The following PDE4B variants were observed in gnomAD, a reference collection of about 807,000 sequenced individuals.
PDE4B encodes the protein phosphodiesterase 4B.
A neutral mutation model predicts 82.2 loss-of-function variants in PDE4B; 20 were observed. The ratio of observed to expected loss-of-function variants is 0.24; its 90% CI spans 0.17 to 0.35. The LOEUF is 0.35. PDE4B is among the 10% of genes least tolerant of loss of function. The probability of loss-of-function intolerance (pLI) is 1.00; values close to 1 mark genes in which losing one functional copy is unlikely to be tolerated. For synonymous variants in PDE4B, 320 were observed against 318.9 expected (o/e 1.00, Z -0.04); for missense variants, 655 against 907.2 (o/e 0.72, Z 3.57).
chr1:66,297,088 C>T (rs1354846980), intron 7 of PDE4B, among the ~76,000 whole-genome samples: 2 of 152,086 alleles, frequency 1.3e-5, no homozygotes, highest in Non-Finnish European at 2.9e-5. Flanking sequence ...TTTCATACAT[C>T]TCTTAGCCAT....
chr1:65,846,135 C>T (rs1285686848), intron 1 of PDE4B, among the ~76,000 whole-genome samples: 1 of 152,158 alleles, frequency 6.6e-6, no homozygotes, highest in Non-Finnish European at 1.5e-5. Flanking sequence ...GGTAGGCCTA[C>T]AGGTTGTTTC....
At chr1:65,896,330 G>T (rs1296608481) in intron 1 of PDE4B, among the ~76,000 whole-genome samples, 1 of 152,126 alleles carries the variant, frequency 6.6e-6, no homozygotes, top group Non-Finnish European at 1.5e-5. Flanking sequence ...CAGATCTCAT[G>T]AGACTAATTC....
chr1:66,041,750 G>A (rs1341531257), intron 3 of PDE4B, among the ~76,000 whole-genome samples: 1 of 151,092 alleles, frequency 6.6e-6, no homozygotes, highest in Non-Finnish European at 1.5e-5. Flanking sequence ...CTCTTTCTGG[G>A]TCATGAATAA....
chr1:66,161,170 C>T (rs1204840799), intron 3 of PDE4B, among the ~76,000 whole-genome samples: 1 of 152,052 alleles, frequency 6.6e-6, no homozygotes, highest in African/African-American at 2.4e-5. Flanking sequence ...CTAACAACTC[C>T]TACAGAACAT....
chr1:66,093,843 A>AT (rs1195671852), intron 3 of PDE4B, among the ~76,000 whole-genome samples: 1 of 152,066 alleles, frequency 6.6e-6, no homozygotes, highest in Non-Finnish European at 1.5e-5. Flanking sequence ...AACACAACTT[A>AT]TGCCGCTCAT....
intron 3 of PDE4B, among the ~76,000 whole-genome samples, chr1:66,150,223 C>A (rs1234472504): frequency 6.6e-6 from 1 of 151,878 alleles, no homozygotes; most frequent in Non-Finnish European, 1.5e-5. Flanking sequence ...TATTTAGGGG[C>A]CTTTGTAACC....
chr1:66,252,711 TA>T (rs1557660644), intron 4 of PDE4B, among the ~76,000 whole-genome samples: 1 of 152,108 alleles, frequency 6.6e-6, no homozygotes, highest in African/African-American at 2.4e-5. Context: ...TTTGGGAGGC[TA>T]AGGTGGGTGG....
In PDE4B at chr1:65,928,349, A is replaced by C. The variant is rs375254522; in HGVS notation, c.281+9514A>C. Among the ~76,000 whole-genome samples the C allele has an allele frequency of 6.2e-4, 94 of 152,332 alleles. 1 individual carries two copies. The highest frequency in any genetic ancestry group is 2.5e-3 in the East Asian group (13 of 5,184). On this transcript the variant is annotated intron_variant, in intron 3 of 16. Transcript: ENST00000341517. ...GCTAGTATAAATTAAGTACGAATGCAGTAGGCTTCCTATCAATTTCACTTC... is the reference window on the plus strand; with the variant it reads ...GCTAGTATAAATTAAGTACGAATGCCGTAGGCTTCCTATCAATTTCACTTC...
chr1:66,246,234 C>G (rs1653300713), intron 3 of PDE4B, among the ~76,000 whole-genome samples: 1 of 152,168 alleles, frequency 6.6e-6, no homozygotes, highest in Non-Finnish European at 1.5e-5. Flanking sequence ...TTATATACTT[C>G]ACAGGGTTGT....
At chr1:66,292,036 G>A (rs1657125284) in intron 7 of PDE4B, among the ~76,000 whole-genome samples, 1 of 152,100 alleles carries the variant, frequency 6.6e-6, no homozygotes, top group Non-Finnish European at 1.5e-5. Flanking sequence ...TTGAACATGA[G>A]ATGTTAATTT....
intron 3 of PDE4B, among the ~76,000 whole-genome samples, chr1:66,239,696 A>G (rs1338092319): frequency 6.6e-6 from 1 of 152,194 alleles, no homozygotes; most frequent in Non-Finnish European, 1.5e-5. Flanking sequence ...GAACAACACA[A>G]TGGGAAATTA....
intron 3 of PDE4B, among the ~76,000 whole-genome samples, chr1:66,021,631 G>A (rs1297223509): frequency 1.3e-5 from 2 of 151,504 alleles, no homozygotes; most frequent in African/African-American, 4.8e-5. Flanking sequence ...GGTTGTAGAG[G>A]TATTATTTCT....
At chr1:66,299,931 T>C (rs1192700219) in intron 7 of PDE4B, among the ~76,000 whole-genome samples, 1 of 152,190 alleles carries the variant, frequency 6.6e-6, no homozygotes, top group Non-Finnish European at 1.5e-5. Flanking sequence ...CAAATTTCAT[T>C]ATAGAATGTA....
At chr1:65,972,437 A>G (rs2100629352) in intron 3 of PDE4B, among the ~76,000 whole-genome samples, 1 of 152,022 alleles carries the variant, frequency 6.6e-6, no homozygotes, top group East Asian at 1.9e-4. Context: ...GAGTTTTAGA[A>G]TTTTTTCTCG....
At chr1:66,235,133 A>AT (rs1213621911) in intron 3 of PDE4B, among the ~76,000 whole-genome samples, 7 of 152,112 alleles carry the variant, frequency 4.6e-5, no homozygotes, top group Admixed American at 2.0e-4. Context: ...ATGACTTCAA[A>AT]TTTTTTTGAT....
chr1:66,260,682 G>A (rs1654615943), intron 6 of PDE4B, among the ~76,000 whole-genome samples: 2 of 152,154 alleles, frequency 1.3e-5, no homozygotes, highest in Non-Finnish European at 2.9e-5. Flanking sequence ...AGTAGTATCA[G>A]AACATTCAGC....
chr1:66,110,764 G>C (rs951850275), intron 3 of PDE4B, among the ~76,000 whole-genome samples: 1 of 152,190 alleles, frequency 6.6e-6, no homozygotes, highest in African/African-American at 2.4e-5. Context: ...CTCCTAGTAT[G>C]TAGTAAGCAC....
intron 1 of PDE4B, among the ~76,000 whole-genome samples, chr1:65,883,496 A>G (rs2100350707): frequency 6.6e-6 from 1 of 152,240 alleles, no homozygotes; most frequent in African/African-American, 2.4e-5. Flanking sequence ...TGATTTTTGT[A>G]CATTGATTTT....
chr1:65,814,709 C>CT (rs780160809), intron 1 of PDE4B, among the ~76,000 whole-genome samples: 9 of 151,738 alleles, frequency 5.9e-5, no homozygotes, highest in African/African-American at 1.7e-4. Flanking sequence ...ATAGTATCTG[C>CT]TTTTTTTTGT....
Sources: gnomAD v4.1 joint callset for allele counts (sites outside exome capture counted in the v4.1 genomes callset) on GRCh38, gnomAD v4.1.1 for gene constraint, MANE v1.5 for transcripts, NCBI Gene and HGNC (gene_info 2026-07-23, HGNC 2026-07-21) for gene names.